PPY: variants seen among roughly 807,000 people sequenced by gnomAD.
PPY encodes pancreatic polypeptide prohormone.
A neutral mutation model predicts 9.3 loss-of-function variants in PPY; 6 were observed. The observed-to-expected ratio is 0.64, with a 90% CI of 0.35 to 1.27. The LOEUF (loss-of-function observed/expected upper bound fraction) is 1.27, where lower values mean the gene tolerates loss of function less well. Among genes scored for constraint, PPY ranks in the 50% most tolerant of loss-of-function variants. The pLI is 0.03. For synonymous variants in PPY, 58 were observed against 54.6 expected, an observed-to-expected ratio of 1.06 and a Z score of -0.27; for missense variants, 109 against 119.1, an observed-to-expected ratio of 0.91 and a Z score of 0.40.
chr17:43,941,383 G>A, intron 2 of PPY, 81 bp downstream of exon 2: 1 of 1,589,040 alleles, frequency 6.3e-7, no homozygotes, highest in Non-Finnish European at 8.6e-7. Flanking sequence ...GGCTGGGGCT[G>A]GGGATAGGGT....
upstream of PPY, among the ~76,000 whole-genome samples, chr17:43,943,867 C>G (rs1023989505): frequency 6.6e-6 from 1 of 152,178 alleles, no homozygotes; most frequent in Non-Finnish European, 1.5e-5. Flanking sequence ...TTCACTTTTC[C>G]TCTCAGTAAA....
Position 43,941,226 on chromosome 17 carries a change from G to T in PPY, c.192-12C>A, listed in dbSNP as rs1228052422. Reference sequence around the variant, plus strand: ...GTCTTTTCCCATACCTGGGAGGGAAGAGGCAGCAGGGGCAAGCACTGTGCC... The same window carrying T: ...GTCTTTTCCCATACCTGGGAGGGAATAGGCAGCAGGGGCAAGCACTGTGCC... On this transcript the variant is annotated splice_polypyrimidine_tract_variant and intron_variant, in intron 2 of 3. Coordinates refer to ENST00000225992, the MANE Select transcript of PPY (RefSeq NM_002722.5). 6.4e-7 allele frequency: 1 copy of T among 1,551,336 alleles called. No homozygotes were observed. The highest frequency in any genetic ancestry group is 1.4e-5 in the African/African-American group (1 of 73,062).
chr17:43,941,114 GGACA>G, intron 3 of PPY, 25 bp downstream of exon 3: 1 of 1,550,800 alleles, frequency 6.4e-7, no homozygotes, highest in Non-Finnish European at 8.7e-7. Flanking sequence ...CCAGGGAGCT[GGACA>G]GACAGGGCAG....
rs1292536966 is a variant in PPY, at chr17:43,941,142, C to G, written c.263+1G>C. The G allele has an allele frequency of 6.4e-7, 1 of 1,551,538 alleles. No homozygotes were observed. The highest frequency in any genetic ancestry group is 1.4e-5 in the African/African-American group (1 of 73,030). The stretch of plus-strand genomic sequence containing the variant: ...CAGACAGGGCAGGGAGTCAAACTCA[C>G]CTGGGGACAGCAGCATGCGGGGACC... On this transcript the variant is annotated splice_donor_variant, in intron 3 of 3. Transcript: ENST00000225992. LOFTEE classifies it high-confidence loss of function.
At chr17:43,941,301 C>T (rs1401991016) in intron 2 of PPY, 87 bp from the exon 3 acceptor site, 1 of 1,511,850 alleles carries the variant, frequency 6.6e-7, no homozygotes, top group African/African-American at 1.4e-5. Context: ...CCATCTTGCC[C>T]AGGGCACATT....
chr17:43,941,223 G>A lies in PPY; in HGVS notation c.192-9C>T, dbSNP rs1304850408. 6.4e-7 allele frequency: 1 copy of A among 1,551,302 alleles called. No individual in the cohort carries two copies. Among genetic ancestry groups the A allele is most frequent in the African/African-American group, 1.4e-5 (1 of 73,036 alleles). On this transcript the variant is annotated splice_polypyrimidine_tract_variant and intron_variant, in intron 2 of 3. Transcript: ENST00000225992. ...TGTGTCTTTTCCCATACCTGGGAGG[G>A]AAGAGGCAGCAGGGGCAAGCACTGT...
At chr17:43,944,201 A>C (rs1250666909), upstream of PPY, among the ~76,000 whole-genome samples, 2 of 152,106 alleles carry the variant, frequency 1.3e-5, no homozygotes, top group Non-Finnish European at 2.9e-5. Flanking sequence ...AAAGGATCTG[A>C]GCTCCCACAG....
Position 43,941,671 on chromosome 17 carries a change from G to C in PPY, c.1-17C>G, listed in dbSNP as rs1185843914. On this transcript the variant is annotated splice_polypyrimidine_tract_variant and intron_variant, in intron 1 of 3. Transcript: ENST00000225992. ...GGCAGCCATCTGAGGAGCAAGCAGA[G>C]GGGAGGTGGAGAGCCCGGGCTGCAG... 3.8e-6 allele frequency: 6 copies of C among 1,582,760 alleles called. No individual in the cohort carries two copies. Among genetic ancestry groups the C allele is most frequent in the African/African-American group, 1.3e-5 (1 of 74,568 alleles).
chr17:43,943,466 C>T (rs868026149), upstream of PPY, among the ~76,000 whole-genome samples: 5 of 152,264 alleles, frequency 3.3e-5, no homozygotes, highest in Middle Eastern at 0.01. Flanking sequence ...GATCTCATAG[C>T]TACCGAGGTT....
chr17:43,940,948 GCTC>G lies in PPY; in HGVS notation c.265_267del (p.Glu89del). ...TGGCATTATAAGTCCAGCGGGCTGAGCTCCCTGTGAGGACAGGGCAGAACATGG... is the reference window on the plus strand; with the variant it reads ...TGGCATTATAAGTCCAGCGGGCTGAGCCTGTGAGGACAGGGCAGAACATGG... On this transcript the variant is annotated inframe_deletion and splice_region_variant, in exon 4 of 4. Coordinates refer to ENST00000225992, the MANE Select transcript of PPY (RefSeq NM_002722.5). 6.2e-7 allele frequency: 1 copy of G among 1,608,264 alleles called. No homozygotes were observed.
At chr17:43,941,717 C>T (rs1461046290) in intron 1 of PPY, 63 bp from the exon 2 acceptor site, 25 of 1,456,052 alleles carry the variant, frequency 1.7e-5, no homozygotes, top group Non-Finnish European at 2.2e-5. Context: ...GCCCAGGAAG[C>T]AGGGCCCAAC....
intron 1 of PPY, 29 bp from the exon 2 acceptor site, chr17:43,941,683 A>AGCCCGGGCTGCAGATTTTCCCGT (rs1265342363): frequency 6.4e-7 from 1 of 1,560,384 alleles, no homozygotes; most frequent in Non-Finnish European, 8.7e-7. Context: ...GGAGGTGGAG[A>AGCCCGGGCTGCAGATTTTCCCGT]GCCCGGGCTG....
upstream of PPY, among the ~76,000 whole-genome samples, chr17:43,942,683 C>T (rs1428061389): frequency 6.6e-6 from 1 of 152,186 alleles, no homozygotes; most frequent in Admixed American, 6.5e-5. This position sits in a 1 kb window ranked among gnomAD's most constrained non-coding sequence, Gnocchi z 5.3. Context: ...AACTGGACCA[C>T]AGTAAAAGTC....
intron 1 of PPY, 21 bp from the exon 2 acceptor site, chr17:43,941,675 A>C: frequency 1.9e-6 from 3 of 1,576,756 alleles, no homozygotes; most frequent in Non-Finnish European, 2.6e-6. Context: ...AGCAGAGGGG[A>C]GGTGGAGAGC....
At chr17:43,941,900 C>T (rs1194399297) in intron 1 of PPY, among the ~76,000 whole-genome samples, 3 of 152,052 alleles carry the variant, frequency 2.0e-5, no homozygotes, top group African/African-American at 7.2e-5. Context: ...AAAAGTATAG[C>T]AGAGAAAATG....
chr17:43,941,738 CT>C, intron 1 of PPY, 84 bp from the exon 2 acceptor site: 1 of 1,354,656 alleles, frequency 7.4e-7, no homozygotes, highest in South Asian at 1.4e-5. Context: ...TATCCAGCCC[CT>C]TAGCCCATCA....
At chr17:43,943,493 A>G (rs1378289915), upstream of PPY, among the ~76,000 whole-genome samples, 1 of 152,058 alleles carries the variant, frequency 6.6e-6, no homozygotes, top group African/African-American at 2.4e-5. Flanking sequence ...TCTGGCTTAG[A>G]TTCTCAACCC....
At position 43,941,199 on chromosome 17, in the gene PPY, G is replaced by T; in HGVS notation, c.207C>A (p.His69Gln). ...MLTRPRYGKRHKEDTLAFSEW... is the reference protein window; with the variant it reads ...MLTRPRYGKRQKEDTLAFSEW... ...CCGAGAAGGCCAGCGTGTCCTCTTT[G>T]TGTCTTTTCCCATACCTGGGAGGGA... Residue 69 changes from histidine to glutamine, a missense_variant, in exon 3 of 4, where the codon CAC becomes CAA. By Grantham distance (24) the His-to-Gln change is conservative (BLOSUM62 0). Coordinates refer to ENST00000225992, the MANE Select transcript of PPY (RefSeq NM_002722.5). The T allele has an allele frequency of 1.3e-6, 2 of 1,551,664 alleles. No homozygotes were observed. The highest frequency in any genetic ancestry group is 2.4e-5 in the South Asian group (2 of 84,062).
intron 3 of PPY, 85 bp from the exon 4 acceptor site, chr17:43,941,037 C>T (rs530409680): frequency 3.9e-6 from 6 of 1,549,678 alleles, no homozygotes; most frequent in Non-Finnish European, 5.2e-6. Context: ...GGCTCCTGTT[C>T]TCCCTCTTCC....
Sources: allele counts gnomAD v4.1 joint callset (sites outside exome capture counted in the v4.1 genomes callset), GRCh38; gene constraint gnomAD v4.1.1; non-coding constraint Gnocchi (gnomAD v3.1); transcripts MANE v1.5; gene names NCBI Gene and HGNC (gene_info 2026-07-23, HGNC 2026-07-21).